ALMS1: variants seen among roughly 807,000 people sequenced by gnomAD.
ALMS1 encodes centrosome-associated protein ALMS1.
ALMS1 carries 271 observed loss-of-function variants against 352.2 expected under a neutral mutation model. The observed-to-expected ratio is 0.77, with a 90% CI of 0.70 to 0.85. The LOEUF (loss-of-function observed/expected upper bound fraction) is 0.85, where lower values mean the gene tolerates loss of function less well. Among genes scored for constraint, ALMS1 ranks in the 40% least tolerant of loss-of-function variants. ALMS1 has a pLI of 0.00. For synonymous variants in ALMS1, 1,865 were observed against 1,761.2 expected, an observed-to-expected ratio of 1.06 and a Z score of -1.48; for missense variants, 5,445 against 4,870.7, an observed-to-expected ratio of 1.12 and a Z score of -3.51.
chr2:73,523,929 G>A (rs962222824), intron 11 of ALMS1, among the ~76,000 whole-genome samples: 2 of 152,128 alleles, frequency 1.3e-5, no homozygotes, highest in African/African-American at 4.8e-5. Flanking sequence ...GAAAACCGTG[G>A]TCTATAAGAA....
chr2:73,475,086 C>T (rs189225501), intron 9 of ALMS1, among the ~76,000 whole-genome samples: 169 of 152,194 alleles, frequency 1.1e-3, no homozygotes, highest in Non-Finnish European at 1.0e-4. Flanking sequence ...AGTACTTCAT[C>T]CCTTTTTATT....
In ALMS1 at chr2:73,591,437, T is replaced by C. The variant is rs1180946979; in HGVS notation, c.11548-7964T>C. On this transcript the variant is annotated intron_variant, in intron 16 of 22. Coordinates refer to ENST00000613296, the MANE Select transcript of ALMS1 (RefSeq NM_001378454.1). ...TTTATTAGAAAAATCTAATGTTCTT[T>C]TGTTAAGCTAGACTCCAATCAGTTA... Among the ~76,000 whole-genome samples the C allele has an allele frequency of 3.3e-5, 5 of 152,336 alleles. No homozygotes were observed. The South Asian group carries it at 6.2e-4, about 19-fold the overall frequency.
intron 12 of ALMS1, 38 bp downstream of exon 12, chr2:73,534,987 T>G: frequency 6.2e-7 from 1 of 1,612,134 alleles, no homozygotes; most frequent in Non-Finnish European, 8.5e-7. Context: ...TATTGTTTGA[T>G]ATTTTATTTG....
intron 1 of ALMS1, among the ~76,000 whole-genome samples, chr2:73,396,593 T>C (rs1177535908): frequency 6.7e-6 from 1 of 150,182 alleles, no homozygotes; most frequent in Non-Finnish European, 1.5e-5. Flanking sequence ...CATAGTATTT[T>C]AATTACTAAA....
intron 10 of ALMS1, among the ~76,000 whole-genome samples, chr2:73,504,793 C>A (rs1287274015): frequency 6.6e-6 from 1 of 151,812 alleles, no homozygotes; most frequent in Non-Finnish European, 1.5e-5. Context: ...AGGTTTGTTA[C>A]ATAGGTATAC....
At chr2:73,472,594 A>C (rs1672490163) in intron 9 of ALMS1, among the ~76,000 whole-genome samples, 3 of 152,026 alleles carry the variant, frequency 2.0e-5, no homozygotes, top group Admixed American at 2.0e-4. Flanking sequence ...AGAACTCTGG[A>C]ATTTAGTTAA....
chr2:73,519,811 CTCTGAAAAATTGTCA>C lies in ALMS1; in HGVS notation c.9582_9596del (p.Glu3194_Ser3198del). 6.2e-7 allele frequency: 1 copy of C among 1,613,982 alleles called. No homozygotes were observed. The highest frequency in any genetic ancestry group is 8.5e-7 in the Non-Finnish European group (1 of 1,179,918). On this transcript the variant is annotated inframe_deletion, in exon 11 of 23. Transcript: ENST00000613296. ...AGATGAAGACCCCACTTTCTGCTTT[CTCTGAAAAATTGTCA>C]TCTGATGCAGTCACTCAGATAACAA...
intron 7 of ALMS1, among the ~76,000 whole-genome samples, chr2:73,436,353 A>C (rs12713783): frequency 0.87 from 132,686 of 152,208 alleles, 57,917 homozygotes; most frequent in Admixed American, 0.92. Flanking sequence ...ATATGTCTCT[A>C]TGTGAATCTC....
At position 73,455,283 on chromosome 2, in the gene ALMS1, T is replaced by G; in HGVS notation, c.7662T>G (p.Thr2554=). 2.5e-6 allele frequency: 4 copies of G among 1,614,104 alleles called. No homozygotes were observed. The highest frequency in any genetic ancestry group is 3.4e-6 in the Non-Finnish European group (4 of 1,179,982). ...KAELFGHGRT[T]DLSKGLQSPR... ...AGTTATTTGGTCATGGAAGAACAACTGACTTGTCCAAGGTATAAAAGAAAT... is the reference window on the plus strand; with the variant it reads ...AGTTATTTGGTCATGGAAGAACAACGGACTTGTCCAAGGTATAAAAGAAAT... Residue 2554 remains threonine (T), a synonymous_variant, in exon 9 of 23, where the codon ACT becomes ACG. Coordinates refer to ENST00000613296, the MANE Select transcript of ALMS1 (RefSeq NM_001378454.1).
At chr2:73,608,774 T>C (rs1675874691) in intron 22 of ALMS1, among the ~76,000 whole-genome samples, 200 bp downstream of exon 22, 1 of 152,180 alleles carries the variant, frequency 6.6e-6, no homozygotes, top group South Asian at 2.1e-4. Flanking sequence ...TCCCCATCCA[T>C]AATGGTGTAA....
At chr2:73,585,623 T>C (rs1037246934) in intron 16 of ALMS1, among the ~76,000 whole-genome samples, 1 of 151,912 alleles carries the variant, frequency 6.6e-6, no homozygotes, top group African/African-American at 2.4e-5. Context: ...CTTGATCTCC[T>C]GACCTCGTGA....
intron 12 of ALMS1, among the ~76,000 whole-genome samples, chr2:73,538,543 C>T (rs1384839933): frequency 6.6e-6 from 1 of 152,110 alleles, no homozygotes; most frequent in Non-Finnish European, 1.5e-5. Flanking sequence ...GGGTGCAGGA[C>T]AGTGGGTGCA....
At chr2:73,596,860 CT>C (rs70965740) in intron 16 of ALMS1, among the ~76,000 whole-genome samples, 2,434 of 104,170 alleles carry the variant, frequency 0.023, 40 homozygotes, top group Admixed American at 0.091. Context: ...CCCTCTACCT[CT>C]TTTTTTTTTT....
rs1465593469 is a variant in ALMS1 at position 73,457,479 on chromosome 2, G to C, written c.7674+2184G>C. Among the ~76,000 whole-genome samples, 3 of 152,138 alleles carry C rather than the reference G, an allele frequency of 2.0e-5. No individual in the cohort carries two copies. In the East Asian group the frequency reaches 5.8e-4, roughly 30 times the overall value. On this transcript the variant is annotated intron_variant, in intron 9 of 22. Transcript: ENST00000613296. ...GCTGGTCTTGAACTCCTGACCTCAA[G>C]TGATCCGCCTGCCTCGGCCTCCCAA... is the stretch of plus-strand genomic sequence containing the variant.
chr2:73,510,505 C>A (rs919236190), intron 10 of ALMS1, among the ~76,000 whole-genome samples: 10 of 152,212 alleles, frequency 6.6e-5, no homozygotes, highest in Non-Finnish European at 1.5e-5. Flanking sequence ...TACTGGGGGT[C>A]CACTCCAGAC....
intron 16 of ALMS1, among the ~76,000 whole-genome samples, chr2:73,583,202 T>A (rs982017389): frequency 6.4e-4 from 98 of 152,136 alleles, no homozygotes; most frequent in Non-Finnish European, 1.2e-3. Context: ...TTTACTTTTT[T>A]TTTTTTTTAG....
At chr2:73,517,246 C>CTTTTTGTTTTTTT (rs1673578075) in intron 10 of ALMS1, among the ~76,000 whole-genome samples, 1 of 105,000 alleles carries the variant, frequency 9.5e-6, no homozygotes, top group Non-Finnish European at 1.7e-5. Flanking sequence ...AAGTTTTAGT[C>CTTTTTGTTTTTTT]TTTTTTTTTT....
At chr2:73,475,738 C>CT (rs1325853071) in intron 9 of ALMS1, among the ~76,000 whole-genome samples, 3 of 152,020 alleles carry the variant, frequency 2.0e-5, no homozygotes, top group African/African-American at 7.2e-5. Flanking sequence ...ACTTATCAGA[C>CT]TTTTATTCTT....
intron 9 of ALMS1, among the ~76,000 whole-genome samples, chr2:73,466,538 G>A (rs1397247303): frequency 3.3e-5 from 5 of 151,576 alleles, no homozygotes; most frequent in Non-Finnish European, 5.9e-5. Context: ...TATACCTAAT[G>A]TTAAATGACG....
Sources: gnomAD v4.1 joint callset for allele counts (sites outside exome capture counted in the v4.1 genomes callset) on GRCh38, gnomAD v4.1.1 for gene constraint, MANE v1.5 for transcripts, NCBI Gene and HGNC (gene_info 2026-07-23, HGNC 2026-07-21) for gene names.